The following ARHGAP24 variants were observed in gnomAD, a reference collection of about 807,000 sequenced individuals.
The protein encoded by ARHGAP24 is Rho GTPase activating protein 24.
Under a neutral mutation model 76.4 loss-of-function variants are expected in ARHGAP24, and 50 were observed. The observed-to-expected ratio is 0.65, with a 90% CI of 0.52 to 0.83. ARHGAP24 has a LOEUF of 0.83. ARHGAP24 is among the 40% of genes least tolerant of loss of function. The pLI is 0.00. For missense variants in ARHGAP24, 930 were observed against 914.2 expected (o/e 1.02, Z -0.22); for synonymous variants, 345 against 323.3 (o/e 1.07, Z -0.72).
chr4:85,698,651 A>G (rs937626694), intron 2 of ARHGAP24, among the ~76,000 whole-genome samples: 3 of 152,182 alleles, frequency 2.0e-5, no homozygotes, highest in Non-Finnish European at 4.4e-5. Context: ...CTGGAAGCTA[A>G]AAGTCTGAAA....
intron 3 of ARHGAP24, among the ~76,000 whole-genome samples, chr4:85,882,325 A>G (rs1001081638): frequency 1.1e-4 from 17 of 152,314 alleles, no homozygotes; most frequent in African/African-American, 4.1e-4. Flanking sequence ...GAATTAGATG[A>G]CATAACATAT....
intron 2 of ARHGAP24, among the ~76,000 whole-genome samples, chr4:85,705,281 A>G (rs1186548649): frequency 6.6e-6 from 1 of 152,172 alleles, no homozygotes; most frequent in Non-Finnish European, 1.5e-5. Flanking sequence ...TAAAATTTAC[A>G]CATATGACAG....
chr4:85,859,621 C>T (rs1451522628), intron 3 of ARHGAP24, among the ~76,000 whole-genome samples: 1 of 152,052 alleles, frequency 6.6e-6, no homozygotes, highest in Non-Finnish European at 1.5e-5. Flanking sequence ...TCTCTATAAG[C>T]CCATGCTAAT....
At chr4:85,814,126 C>T (rs190359645) in intron 3 of ARHGAP24, among the ~76,000 whole-genome samples, 9 of 152,110 alleles carry the variant, frequency 5.9e-5, no homozygotes, top group Middle Eastern at 3.4e-3. Context: ...CATGATCCAA[C>T]CATCTCCCAC....
chr4:85,955,521 C>T (rs346482), intron 5 of ARHGAP24, among the ~76,000 whole-genome samples: 90,397 of 152,008 alleles, frequency 0.59, 27,275 homozygotes, highest in East Asian at 0.81. Context: ...TCTTAAATTC[C>T]GATATTTGCC....
Position 85,501,187 on chromosome 4 carries a change from G to A in ARHGAP24, c.-21+25628G>A, listed in dbSNP as rs1257357063. 3.3e-5 allele frequency among the ~76,000 whole-genome samples: 5 copies of A among 152,290 alleles called. No individual in the cohort carries two copies. The South Asian group carries it at 8.3e-4, about 25-fold the overall frequency. On this transcript the variant is annotated intron_variant, in intron 1 of 9. Coordinates refer to ENST00000395184, the MANE Select transcript of ARHGAP24 (RefSeq NM_001025616.3). The stretch of plus-strand genomic sequence containing the variant: ...GTGAATAGTGCCACAATAAACATAT[G>A]TGTGCATGTGTCTTTATAGTAGCAT...
intron 1 of ARHGAP24, among the ~76,000 whole-genome samples, chr4:85,485,897 T>C (rs1723032669): frequency 6.6e-6 from 1 of 151,962 alleles, no homozygotes; most frequent in Non-Finnish European, 1.5e-5. Context: ...CATGCCTGAC[T>C]ACTTTTTATT....
chr4:85,727,759 A>T (rs1725224560), intron 3 of ARHGAP24, among the ~76,000 whole-genome samples: 1 of 151,416 alleles, frequency 6.6e-6, no homozygotes, highest in South Asian at 2.1e-4. Flanking sequence ...TCCACCAAGC[A>T]AAGATTCTTC....
chr4:85,831,897 A>T, intron 3 of ARHGAP24, among the ~76,000 whole-genome samples: 1 of 109,902 alleles, frequency 9.1e-6, no homozygotes, highest in East Asian at 1.2e-3. Flanking sequence ...GTGAGACTCT[A>T]TCTAAAAAAA....
intron 6 of ARHGAP24, 134 bp downstream of exon 6, chr4:85,972,302 C>T: frequency 1.7e-6 from 2 of 1,160,754 alleles, no homozygotes; most frequent in South Asian, 2.7e-5. Flanking sequence ...ACCTCACACA[C>T]ACTGAGACTT....
chr4:85,976,556 C>G (rs1739338882), intron 7 of ARHGAP24, among the ~76,000 whole-genome samples: 1 of 152,042 alleles, frequency 6.6e-6, no homozygotes, highest in South Asian at 2.1e-4. Context: ...TCATTATTTC[C>G]TCTTTATCTC....
chr4:85,895,986 G>T (rs1045490723), intron 3 of ARHGAP24, among the ~76,000 whole-genome samples: 1 of 152,144 alleles, frequency 6.6e-6, no homozygotes, highest in African/African-American at 2.4e-5. Flanking sequence ...CCATGGTAGA[G>T]GGTACTTCGC....
intron 1 of ARHGAP24, among the ~76,000 whole-genome samples, chr4:85,564,555 T>TA (rs953015712): frequency 7.4e-5 from 11 of 148,588 alleles, no homozygotes; most frequent in South Asian, 2.1e-4. Context: ...AAAAAAAAAT[T>TA]AAAAAAAAAA....
At chr4:85,821,496 C>T (rs1481679480) in intron 3 of ARHGAP24, among the ~76,000 whole-genome samples, 1 of 152,198 alleles carries the variant, frequency 6.6e-6, no homozygotes, top group Non-Finnish European at 1.5e-5. Flanking sequence ...GCCTCAGTCT[C>T]TTGGACAGCC....
intron 3 of ARHGAP24, among the ~76,000 whole-genome samples, chr4:85,753,889 C>T (rs1726367409): frequency 6.6e-6 from 1 of 152,116 alleles, no homozygotes; most frequent in Non-Finnish European, 1.5e-5. Flanking sequence ...CAACATTTAT[C>T]TTTTCTTTGT....
intron 3 of ARHGAP24, among the ~76,000 whole-genome samples, chr4:85,822,660 G>A (rs956759210): frequency 6.6e-6 from 1 of 152,108 alleles, no homozygotes; most frequent in Non-Finnish European, 1.5e-5. Context: ...GATCATACAT[G>A]TGTTGTTAGT....
chr4:85,507,723 A>C (rs1418275277), intron 1 of ARHGAP24, among the ~76,000 whole-genome samples: 1 of 152,218 alleles, frequency 6.6e-6, no homozygotes, highest in African/African-American at 2.4e-5. Context: ...GGACTTGATA[A>C]AATATAAGGG....
At chr4:85,634,785 C>A (rs780350259) in intron 2 of ARHGAP24, among the ~76,000 whole-genome samples, 1 of 151,856 alleles carries the variant, frequency 6.6e-6, no homozygotes, top group Non-Finnish European at 1.5e-5. Flanking sequence ...CAGTAATAAA[C>A]TCTTGAGATG....
chr4:85,985,428 G>A (rs1211827362), intron 8 of ARHGAP24, among the ~76,000 whole-genome samples: 5 of 152,094 alleles, frequency 3.3e-5, no homozygotes, highest in Non-Finnish European at 7.4e-5. Flanking sequence ...GGGTGCTAAA[G>A]GATGAGAACA....
Sources: gnomAD v4.1 joint callset for allele counts (sites outside exome capture counted in the v4.1 genomes callset) on GRCh38, gnomAD v4.1.1 for gene constraint, MANE v1.5 for transcripts, NCBI Gene and HGNC (gene_info 2026-07-23, HGNC 2026-07-21) for gene names.